The following FNDC3A variants were observed in gnomAD, a reference collection of about 807,000 sequenced individuals.
FNDC3A encodes the protein fibronectin type III domain containing 3A, also known as fibronectin type-III domain-containing protein 3A.
Under a neutral mutation model 148.9 loss-of-function variants are expected in FNDC3A, and 32 were observed. That is an observed-to-expected ratio of 0.21 (90% confidence interval 0.16 to 0.29). The LOEUF is 0.29. FNDC3A is among the 10% of genes least tolerant of loss of function. The pLI, the probability that FNDC3A is intolerant of heterozygous loss-of-function variation, is 1.00. For missense variants in FNDC3A, 1,191 were observed against 1,452.8 expected (o/e 0.82, Z 2.93); for synonymous variants, 472 against 473.6 (o/e 1.00, Z 0.04).
intron 7 of FNDC3A, among the ~76,000 whole-genome samples, chr13:49,139,044 C>T (rs1242509854): frequency 6.6e-6 from 1 of 152,108 alleles, no homozygotes; most frequent in Non-Finnish European, 1.5e-5. Flanking sequence ...TGATCCCTTA[C>T]TATATGCCAA....
At chr13:49,018,855 C>G (rs894785086) in intron 2 of FNDC3A, among the ~76,000 whole-genome samples, 3 of 152,158 alleles carry the variant, frequency 2.0e-5, no homozygotes, top group African/African-American at 4.8e-5. Flanking sequence ...GTTGGAGTAC[C>G]CGGCCGTGTG....
intron 7 of FNDC3A, among the ~76,000 whole-genome samples, chr13:49,141,881 A>G (rs937571502): frequency 6.6e-6 from 1 of 152,158 alleles, no homozygotes; most frequent in South Asian, 2.1e-4. Flanking sequence ...GCTACCACCT[A>G]GAAGTGGATT....
At chr13:49,127,265 T>A (rs1881757436) in intron 4 of FNDC3A, among the ~76,000 whole-genome samples, 3 of 152,250 alleles carry the variant, frequency 2.0e-5, no homozygotes, top group African/African-American at 7.2e-5. Flanking sequence ...CCTTTTGTAA[T>A]TTCACTCCTG....
chr13:49,135,269 A>C (rs1261335270), intron 5 of FNDC3A, among the ~76,000 whole-genome samples: 2 of 152,156 alleles, frequency 1.3e-5, no homozygotes, highest in African/African-American at 4.8e-5. Flanking sequence ...TATTCTGGAT[A>C]CAAGTTCCTT....
At chr13:49,128,448 G>T (rs542426515) in intron 4 of FNDC3A, among the ~76,000 whole-genome samples, 1 of 152,154 alleles carries the variant, frequency 6.6e-6, no homozygotes, top group Non-Finnish European at 1.5e-5. Context: ...TGTGTTGTAG[G>T]TTATTTAGCA....
At chr13:49,005,219 G>A (rs953154231) in intron 1 of FNDC3A, among the ~76,000 whole-genome samples, 1 of 151,772 alleles carries the variant, frequency 6.6e-6, no homozygotes. Context: ...CAGCAGTCAA[G>A]ATTTTAAATA....
intron 2 of FNDC3A, among the ~76,000 whole-genome samples, chr13:49,012,062 A>G (rs1420385969): frequency 1.3e-5 from 2 of 152,130 alleles, no homozygotes; most frequent in Non-Finnish European, 2.9e-5. Context: ...TCATGTATCT[A>G]TGATACATTG....
intron 3 of FNDC3A, among the ~76,000 whole-genome samples, chr13:49,104,210 A>C (rs2137845772): frequency 6.6e-6 from 1 of 152,276 alleles, no homozygotes; most frequent in East Asian, 1.9e-4. Flanking sequence ...GGCTGGACAA[A>C]AGCCTGATTA....
At chr13:49,020,045 G>A (rs80232255) in intron 2 of FNDC3A, among the ~76,000 whole-genome samples, 6,773 of 152,208 alleles carry the variant, frequency 0.044, 205 homozygotes, top group Non-Finnish European at 0.067. Flanking sequence ...TAATACTGAG[G>A]TAATCTGTGT....
intron 2 of FNDC3A, among the ~76,000 whole-genome samples, chr13:49,008,813 A>G (rs981902105): frequency 6.6e-6 from 1 of 152,116 alleles, no homozygotes; most frequent in Non-Finnish European, 1.5e-5. Flanking sequence ...GTGGTTATGG[A>G]ATCTGCCTCC....
At chr13:49,177,154 G>C (rs898139132) in intron 13 of FNDC3A, among the ~76,000 whole-genome samples, 1 of 152,070 alleles carries the variant, frequency 6.6e-6, no homozygotes, top group Non-Finnish European at 1.5e-5. Flanking sequence ...TTGTGTGTGT[G>C]TATATATGTC....
intron 2 of FNDC3A, among the ~76,000 whole-genome samples, chr13:49,028,808 T>C (rs966740078): frequency 1.3e-5 from 2 of 152,134 alleles, no homozygotes; most frequent in Non-Finnish European, 2.9e-5. Context: ...CTTCAATAGG[T>C]AGAATATTAA....
At chr13:49,110,541 T>A in intron 3 of FNDC3A, 1 of 695,044 alleles carries the variant, frequency 1.4e-6, no homozygotes, top group African/African-American at 1.8e-5. Context: ...ATTGTTGCCA[T>A]GTAAATACAA....
chr13:48,999,969 GT>G (rs538274153), intron 1 of FNDC3A, among the ~76,000 whole-genome samples: 11 of 151,952 alleles, frequency 7.2e-5, no homozygotes, highest in African/African-American at 2.4e-4. Flanking sequence ...CACTTTTGTG[GT>G]TTTTTTTAAA....
In FNDC3A at chr13:49,115,747, A is replaced by T. The variant is rs187859908; in HGVS notation, c.252+1016A>T. Among the ~76,000 whole-genome samples the T allele has an allele frequency of 1.4e-3, 207 of 152,282 alleles. 1 individual carries two copies. The highest frequency in any genetic ancestry group is 2.4e-3 in the Non-Finnish European group (162 of 68,024). On this transcript the variant is annotated intron_variant, in intron 4 of 25. Transcript: ENST00000492622. ...AAGCTTTTCAGAGTAGTCTCTACTA[A>T]CTATCTCTACTTTTGTTTAGCACAC... is the stretch of plus-strand genomic sequence containing the variant.
intron 16 of FNDC3A, chr13:49,187,404 A>C: frequency 1.0e-6 from 1 of 964,934 alleles, no homozygotes. Flanking sequence ...ATATGAGTTC[A>C]AGTTTGATCC....
At chr13:49,197,645 C>A (rs1886217983) in intron 20 of FNDC3A, 80 bp from the exon 21 acceptor site, 2 of 1,176,620 alleles carry the variant, frequency 1.7e-6, no homozygotes, top group Non-Finnish European at 2.4e-6. Flanking sequence ...TTTACATGTG[C>A]TCAGGTAAAG....
intron 2 of FNDC3A, among the ~76,000 whole-genome samples, chr13:49,034,222 C>G (rs9535133): frequency 0.66 from 100,530 of 151,810 alleles, 33,458 homozygotes; most frequent in Admixed American, 0.69. Flanking sequence ...AATTATAAAT[C>G]TGGAAATTTT....
At chr13:49,064,302 T>C (rs187879960) in intron 2 of FNDC3A, among the ~76,000 whole-genome samples, 7 of 151,856 alleles carry the variant, frequency 4.6e-5, no homozygotes, top group Non-Finnish European at 8.8e-5. Flanking sequence ...GATCGTGCCA[T>C]TGCACTACAG....
Sources: allele counts gnomAD v4.1 joint callset (sites outside exome capture counted in the v4.1 genomes callset), GRCh38; gene constraint gnomAD v4.1.1; transcripts MANE v1.5; gene names NCBI Gene and HGNC (gene_info 2026-07-23, HGNC 2026-07-21).